TTLL11: variants seen among roughly 807,000 people sequenced by gnomAD.
The protein encoded by TTLL11 is tubulin tyrosine ligase like 11.
In TTLL11, 42 loss-of-function variants were observed where a neutral mutation model predicts 51.7. That is an observed-to-expected ratio of 0.81 (90% CI 0.64 to 1.05). TTLL11 has a LOEUF of 1.05. Among genes scored for constraint, TTLL11 ranks in the 50% least tolerant of loss-of-function variants. TTLL11 has a pLI of 0.00. For synonymous variants in TTLL11, 381 were observed against 383.5 expected (o/e 0.99, Z 0.08); for missense variants, 799 against 940.4 (o/e 0.85, Z 1.97).
At chr9:122,023,936 A>T (rs746413791) in intron 3 of TTLL11, among the ~76,000 whole-genome samples, 1 of 152,126 alleles carries the variant, frequency 6.6e-6, no homozygotes, top group Non-Finnish European at 1.5e-5. Flanking sequence ...TCTACTTAAC[A>T]TTATTTGGAG....
chr9:121,845,252 T>C lies in TTLL11; in HGVS notation c.1840+15085A>G, dbSNP rs1175709586. On this transcript the variant is annotated intron_variant, in intron 8 of 8. Transcript: ENST00000321582. ...CCATGCAAGCAAGAAGAGAGTGGAG[T>C]GAAATACTTAAAGTATTAGAAAAAG... Among the ~76,000 whole-genome samples, 6 of 151,944 alleles carry C rather than the reference T, an allele frequency of 3.9e-5. No individual in the cohort carries two copies. In the East Asian group the frequency reaches 1.2e-3, roughly 29 times the overall value.
chr9:121,933,820 T>A (rs2131559741), intron 6 of TTLL11, among the ~76,000 whole-genome samples: 1 of 152,360 alleles, frequency 6.6e-6, no homozygotes, highest in Non-Finnish European at 1.5e-5. Flanking sequence ...GTGAAGTATA[T>A]GAAGAAAATC....
In TTLL11 at chr9:121,989,031, A is replaced by G; in HGVS notation, c.1269+164T>C. 1 of 1,491,930 alleles carries G rather than the reference A, an allele frequency of 6.7e-7. No homozygotes were observed. Among genetic ancestry groups the G allele is most frequent in the Non-Finnish European group, 8.9e-7 (1 of 1,120,412 alleles). The allele number at this position is 1,491,930 out of a possible 1,614,324, so 92.4% of individuals were successfully genotyped here. On this transcript the variant is annotated intron_variant, in intron 4 of 8. Transcript: ENST00000321582. The surrounding 1 kb of genome is among the most constrained non-coding windows in gnomAD (Gnocchi z 4.2). Reference sequence around the variant, plus strand: ...CAAATCACACAGGGAGCAAACAGAAAGCTTGGAAGTTGGGCCCAGGTTTAA... The same window carrying G: ...CAAATCACACAGGGAGCAAACAGAAGGCTTGGAAGTTGGGCCCAGGTTTAA...
intron 3 of TTLL11, among the ~76,000 whole-genome samples, chr9:122,008,921 C>T (rs546148073): frequency 4.4e-4 from 67 of 152,244 alleles, no homozygotes; most frequent in South Asian, 1.4e-3. Flanking sequence ...GGACGTTAAG[C>T]GAAATAAGCC....
chr9:122,069,781 G>C (rs1246491787), intron 1 of TTLL11, among the ~76,000 whole-genome samples: 3 of 152,080 alleles, frequency 2.0e-5, no homozygotes, highest in African/African-American at 4.8e-5. Flanking sequence ...GAAGACCCCT[G>C]CTGGACAGCC....
At chr9:122,057,051 G>A (rs1379848594) in intron 1 of TTLL11, among the ~76,000 whole-genome samples, 1 of 152,158 alleles carries the variant, frequency 6.6e-6, no homozygotes, top group Non-Finnish European at 1.5e-5. Flanking sequence ...CTGAGAAACA[G>A]CAAAGCCAGA....
At chr9:122,029,207 G>C (rs529000190) in intron 3 of TTLL11, among the ~76,000 whole-genome samples, 1 of 151,996 alleles carries the variant, frequency 6.6e-6, no homozygotes, top group Non-Finnish European at 1.5e-5. Context: ...AAACTACTAC[G>C]TTACTAGCTT....
chr9:122,057,095 C>A (rs1442929971), intron 1 of TTLL11, among the ~76,000 whole-genome samples: 1 of 152,128 alleles, frequency 6.6e-6, no homozygotes, highest in Non-Finnish European at 1.5e-5. Flanking sequence ...TTCAGCTGCC[C>A]TAGACAGTGG....
At chr9:121,886,405 T>C (rs1272644657) in intron 6 of TTLL11, among the ~76,000 whole-genome samples, 1 of 152,132 alleles carries the variant, frequency 6.6e-6, no homozygotes, top group Non-Finnish European at 1.5e-5. Context: ...GATGTTCTTA[T>C]AGGAGAGAGA....
intron 3 of TTLL11, among the ~76,000 whole-genome samples, chr9:122,025,965 T>C (rs1844320761): frequency 6.6e-6 from 1 of 152,184 alleles, no homozygotes. Flanking sequence ...CAATGAAGTA[T>C]TGATACATAC....
chr9:122,055,422 C>G (rs1361265352), intron 1 of TTLL11, among the ~76,000 whole-genome samples: 1 of 152,094 alleles, frequency 6.6e-6, no homozygotes, highest in East Asian at 1.9e-4. Context: ...CTAAGCCATT[C>G]CAGGATTTTC....
chr9:121,897,006 G>A (rs1424301141), intron 6 of TTLL11, among the ~76,000 whole-genome samples: 2 of 152,036 alleles, frequency 1.3e-5, no homozygotes, highest in African/African-American at 4.8e-5. Context: ...TTTGATTCAG[G>A]CCACATTAAT....
intron 6 of TTLL11, among the ~76,000 whole-genome samples, chr9:121,968,563 T>C (rs1457794773): frequency 6.6e-6 from 1 of 152,230 alleles, no homozygotes; most frequent in Non-Finnish European, 1.5e-5. Context: ...CTTTCTTTTT[T>C]ATTTTCTTTT....
At position 121,974,867 on chromosome 9, in the gene TTLL11, A is replaced by G; in HGVS notation, c.1365+17T>C. 1 of 1,523,546 alleles carries G rather than the reference A, an allele frequency of 6.6e-7. No individual in the cohort carries two copies. The highest frequency in any genetic ancestry group is 8.9e-7 in the Non-Finnish European group (1 of 1,127,026). 94.4% of individuals were successfully genotyped at this position (1,523,546 alleles called of 1,614,324 possible). On this transcript the variant is annotated intron_variant, in intron 5 of 8. Coordinates refer to ENST00000321582, the MANE Select transcript of TTLL11 (RefSeq NM_001139442.2). ...GCTGTATGGCAACATAGTCAATGAG[A>G]TGCTCAAAATACTTACTTCGTGCTC... is the stretch of plus-strand genomic sequence containing the variant.
rs59310121 is a variant in TTLL11, at chr9:121,973,650, G to A, written c.1481+359C>T. Reference sequence around the variant, plus strand: ...GGAGATATACCTAATGTTAAATGACGAGTTAATGGGTGCAGCACACCAACA... The same window carrying A: ...GGAGATATACCTAATGTTAAATGACAAGTTAATGGGTGCAGCACACCAACA... On this transcript the variant is annotated intron_variant, in intron 6 of 8. Transcript: ENST00000321582. Among the ~76,000 whole-genome samples the A allele has an allele frequency of 7.4e-3, 1,119 of 152,180 alleles. 10 individuals are homozygous for A. The highest frequency in any genetic ancestry group is 0.024 in the Middle Eastern group (7 of 294).
rs373357321 is a variant in TTLL11, at chr9:121,858,632, T to C, written c.1840+1705A>G. 1.1e-4 allele frequency among the ~76,000 whole-genome samples: 16 copies of C among 152,222 alleles called. 1 individual carries two copies. The highest frequency in any genetic ancestry group is 9.7e-4 in the East Asian group (5 of 5,176). On this transcript the variant is annotated intron_variant, in intron 8 of 8. Transcript: ENST00000321582. ...TGGCCCACATGGGTGTAGGGCAGGA[T>C]TGGCTAGGGGTGCAACAGCTGCCAG...
At chr9:121,999,405 G>A (rs1457695824) in intron 3 of TTLL11, among the ~76,000 whole-genome samples, 1 of 152,066 alleles carries the variant, frequency 6.6e-6, no homozygotes, top group African/African-American at 2.4e-5. Flanking sequence ...CCCCTCCTGT[G>A]TTCCCTCTAA....
At chr9:121,993,984 C>T (rs1374616670) in intron 3 of TTLL11, among the ~76,000 whole-genome samples, 9 of 152,144 alleles carry the variant, frequency 5.9e-5, no homozygotes, top group Non-Finnish European at 1.3e-4. Flanking sequence ...CAGTGTCACA[C>T]GGTGCATGCC....
At chr9:121,904,763 G>T (rs150618511) in intron 6 of TTLL11, among the ~76,000 whole-genome samples, 1 of 152,180 alleles carries the variant, frequency 6.6e-6, no homozygotes, top group African/African-American at 2.4e-5. Flanking sequence ...ATCCCTGCCC[G>T]TTTGACTGGC....
Sources: gnomAD v4.1 joint callset for allele counts (sites outside exome capture counted in the v4.1 genomes callset) on GRCh38, gnomAD v4.1.1 for gene constraint, Gnocchi (gnomAD v3.1) non-coding constraint, MANE v1.5 for transcripts, NCBI Gene and HGNC (gene_info 2026-07-23, HGNC 2026-07-21) for gene names.